DMD: variants seen among roughly 807,000 people sequenced by gnomAD.
DMD encodes mutant dystrophin.
DMD carries 63 observed loss-of-function variants against 330.1 expected under a neutral mutation model. That is an observed-to-expected ratio of 0.19 (90% confidence interval 0.16 to 0.24). The LOEUF is 0.24. DMD is among the 10% of genes least tolerant of loss of function. The pLI is 1.00. For synonymous variants in DMD, 1,223 were observed against 959.8 expected, an observed-to-expected ratio of 1.27 and a Z score of -5.07; for missense variants, 3,344 against 2,684.1, an observed-to-expected ratio of 1.25 and a Z score of -5.43.
intron 4 of DMD, among the ~76,000 whole-genome samples, chrX:32,830,357 A>G (rs2079059265): frequency 9.0e-6 from 1 of 111,528 alleles, no homozygotes; most frequent in Non-Finnish European, 1.9e-5. Context: ...TCTAATTGCT[A>G]AATAACTGAA....
chrX:31,178,453 T>C (rs1485845426), intron 70 of DMD: 2 of 877,845 alleles, frequency 2.3e-6, no homozygotes, highest in Non-Finnish European at 2.8e-6. Context: ...TTTTTCCCCC[T>C]GTGAGATAAA....
At chrX:32,809,261 G>A (rs745985847) in intron 7 of DMD, among the ~76,000 whole-genome samples, 5 of 111,727 alleles carry the variant, frequency 4.5e-5, no homozygotes, top group African/African-American at 1.6e-4. Flanking sequence ...CATTTTAAAG[G>A]CTTTTTTCCT....
intron 60 of DMD, among the ~76,000 whole-genome samples, chrX:31,402,274 T>A (rs764463470): frequency 4.1e-4 from 46 of 111,894 alleles, no homozygotes; most frequent in Non-Finnish European, 5.8e-4. Flanking sequence ...ACTGGATTTG[T>A]CAGTTTATTG....
rs770775346 is a variant in DMD, at chrX:31,590,461, T to C, written c.8217+37212A>G. ...TTTTCTTGTTAAGTTGCGAAGTAACTTTTAGTATATTTTCAGACTAGTGTT... is the reference window on the plus strand; with the variant it reads ...TTTTCTTGTTAAGTTGCGAAGTAACCTTTAGTATATTTTCAGACTAGTGTT... On this transcript the variant is annotated intron_variant, in intron 55 of 78. Transcript: ENST00000357033. Among the ~76,000 whole-genome samples the C allele has an allele frequency of 5.4e-5, 6 of 111,714 alleles. No individual in the cohort carries two copies. The South Asian group carries it at 2.2e-3, about 42-fold the overall frequency.
intron 29 of DMD, among the ~76,000 whole-genome samples, chrX:32,434,639 C>T (rs998401069): frequency 1.8e-5 from 2 of 111,377 alleles, no homozygotes; most frequent in Non-Finnish European, 3.8e-5. Context: ...TCTACTGCAT[C>T]GAAACAACAG....
At chrX:31,486,438 C>G (rs1258428284) in intron 57 of DMD, among the ~76,000 whole-genome samples, 1 of 112,386 alleles carries the variant, frequency 8.9e-6, no homozygotes, top group Non-Finnish European at 1.9e-5. Flanking sequence ...TGTTCCAGAT[C>G]CAAAGCTGAG....
chrX:32,996,550 C>T (rs1313734488), intron 2 of DMD, among the ~76,000 whole-genome samples: 3 of 111,772 alleles, frequency 2.7e-5, no homozygotes, highest in Non-Finnish European at 3.8e-5. Context: ...TTGATGGCCG[C>T]GGTGGCTCAT....
intron 1 of DMD, among the ~76,000 whole-genome samples, chrX:33,305,915 C>G (rs1361176352): frequency 1.8e-5 from 2 of 111,385 alleles, no homozygotes; most frequent in African/African-American, 6.5e-5. Flanking sequence ...AGTCTGTGCC[C>G]AAATATAGCT....
At chrX:32,952,390 C>T (rs999980312) in intron 2 of DMD, among the ~76,000 whole-genome samples, 23 of 111,354 alleles carry the variant, frequency 2.1e-4, no homozygotes, top group African/African-American at 6.9e-4. Context: ...CCTCTGCTTC[C>T]CAAAGTGCTG....
intron 6 of DMD, among the ~76,000 whole-genome samples, chrX:32,811,977 C>G (rs2077400295): frequency 1.8e-5 from 2 of 111,871 alleles, no homozygotes; most frequent in African/African-American, 6.5e-5. Flanking sequence ...TTGGAAGATT[C>G]TAAGTATCAA....
intron 23 of DMD, among the ~76,000 whole-genome samples, chrX:32,465,563 T>TC: frequency 1.2e-5 from 1 of 86,609 alleles, no homozygotes; most frequent in African/African-American, 4.3e-5. Context: ...TCAGGTCTTT[T>TC]TTTTTTTGTT....
intron 55 of DMD, among the ~76,000 whole-genome samples, chrX:31,546,009 C>A (rs926570892): frequency 2.7e-5 from 3 of 111,852 alleles, no homozygotes; most frequent in Non-Finnish European, 5.6e-5. Context: ...ACTGCCTTTC[C>A]TGAAGTAATG....
intron 1 of DMD, among the ~76,000 whole-genome samples, chrX:33,078,057 T>A (rs1228325998): frequency 1.8e-5 from 2 of 111,955 alleles, no homozygotes; most frequent in Non-Finnish European, 3.8e-5. Flanking sequence ...ATAAGACTTT[T>A]TGAAAGCCGA....
chrX:31,206,762 AAG>A lies in DMD; in HGVS notation c.9564-97_9564-96del, dbSNP rs774605577. ...AATAAAGCCTTGAAAAGGAAAAATA[AAG>A]GAGTAAAGTGCTCAATGATGTGTGA... On this transcript the variant is annotated intron_variant, in intron 65 of 78. Coordinates refer to ENST00000357033, the MANE Select transcript of DMD (RefSeq NM_004006.3). 2.0e-5 allele frequency: 14 copies of A among 689,455 alleles called. No individual in the cohort carries two copies. The East Asian group carries it at 4.6e-4, about 22-fold the overall frequency. 56.8% of individuals were successfully genotyped at this position (689,455 alleles called of 1,213,427 possible).
intron 55 of DMD, among the ~76,000 whole-genome samples, chrX:31,509,840 G>C (rs1443722161): frequency 1.8e-5 from 2 of 112,430 alleles, no homozygotes; most frequent in African/African-American, 6.5e-5. Flanking sequence ...GGAAATGTAA[G>C]AGGAGTACAA....
At chrX:31,396,262 T>C (rs955922755) in intron 60 of DMD, among the ~76,000 whole-genome samples, 31 of 109,154 alleles carry the variant, frequency 2.8e-4, no homozygotes, top group Middle Eastern at 4.7e-3. Context: ...CTCAGCCTCC[T>C]GAGTAGCTGG....
chrX:31,718,637 A>T (rs28430385), intron 52 of DMD, among the ~76,000 whole-genome samples: 1 of 110,181 alleles, frequency 9.1e-6, no homozygotes, highest in Non-Finnish European at 1.9e-5. Context: ...TCTCTCCCCA[A>T]CATACGAGGA....
chrX:32,476,794 A>G (rs768785286), intron 21 of DMD, among the ~76,000 whole-genome samples: 9 of 111,845 alleles, frequency 8.0e-5, no homozygotes, highest in Non-Finnish European at 1.1e-4. Context: ...CTGGTGAGAT[A>G]TCTGTAGATG....
intron 57 of DMD, among the ~76,000 whole-genome samples, chrX:31,492,348 T>C (rs891744988): frequency 1.8e-5 from 2 of 112,050 alleles, no homozygotes; most frequent in African/African-American, 6.5e-5. Flanking sequence ...CTTTTGCCCA[T>C]AGGCTTCAAG....
Sources: gnomAD v4.1 joint callset for allele counts (sites outside exome capture counted in the v4.1 genomes callset) on GRCh38, gnomAD v4.1.1 for gene constraint, MANE v1.5 for transcripts, NCBI Gene and HGNC (gene_info 2026-07-23, HGNC 2026-07-21) for gene names.